Variants in CEP120 observed in about 807,000 individuals in gnomAD.
CEP120 encodes centrosomal protein of 120 kDa.
A neutral mutation model predicts 126.5 loss-of-function variants in CEP120; 113 were observed. The observed-to-expected ratio is 0.89, with a 90% CI of 0.77 to 1.04. CEP120 has a LOEUF of 1.04. CEP120 is among the 50% of genes least tolerant of loss of function. The pLI, the probability that CEP120 is intolerant of heterozygous loss-of-function variation, is 0.00. For synonymous variants in CEP120, 400 were observed against 394.3 expected, an observed-to-expected ratio of 1.01 and a Z score of -0.17; for missense variants, 1,230 against 1,155.7, an observed-to-expected ratio of 1.06 and a Z score of -0.93.
intron 18 of CEP120, among the ~76,000 whole-genome samples, chr5:123,361,721 G>T (rs1186919410): frequency 6.6e-6 from 1 of 151,592 alleles, no homozygotes; most frequent in Non-Finnish European, 1.5e-5. Flanking sequence ...GTCCAATTAG[G>T]TCCCCACTGA....
rs1175461090 is a variant in CEP120, at chr5:123,388,425, A to G, written c.1430+7T>C. On this transcript the variant is annotated splice_region_variant and intron_variant, in intron 9 of 19. Transcript: ENST00000306467. ...AAATAATACTTTGAAACAAAATCAA[A>G]TCACACCTTAATATACAGTTGATTG... 3 of 1,483,568 alleles carry G rather than the reference A, an allele frequency of 2.0e-6. No individual in the cohort carries two copies. Among genetic ancestry groups the G allele is most frequent in the South Asian group, 2.8e-5 (2 of 70,516 alleles). The allele number at this position is 1,483,568 out of a possible 1,614,324, so 91.9% of individuals were successfully genotyped here. A position where few individuals can be genotyped will look rare whatever the true frequency, so the allele number is the denominator to read the frequency against.
chr5:123,416,154 G>T, intron 2 of CEP120, 30 bp from the exon 3 acceptor site: 1 of 1,352,130 alleles, frequency 7.4e-7, no homozygotes, highest in African/African-American at 1.4e-5. Flanking sequence ...AAATAAAATG[G>T]TTTTTGCTTA....
At chr5:123,402,058 T>C (rs1773285069) in intron 4 of CEP120, 1 of 1,593,664 alleles carries the variant, frequency 6.3e-7, no homozygotes, top group Admixed American at 1.7e-5. Context: ...TTGAGGGTCT[T>C]GATCTGCTCC....
At chr5:123,405,160 G>A (rs1251322061) in intron 4 of CEP120, among the ~76,000 whole-genome samples, 1 of 152,178 alleles carries the variant, frequency 6.6e-6, no homozygotes, top group Non-Finnish European at 1.5e-5. Flanking sequence ...AACAGACAGG[G>A]AGCTACGGAG....
Position 123,379,500 on chromosome 5 carries a change from T to C in CEP120, c.2104-1072A>G, listed in dbSNP as rs949634269. On this transcript the variant is annotated intron_variant, in intron 14 of 19. Transcript: ENST00000306467. Reference sequence around the variant, plus strand: ...CATCTGAACCACAAAACACAGAAAATGATTTAATTATTTTCTCCATCCTCT... The same window carrying C: ...CATCTGAACCACAAAACACAGAAAACGATTTAATTATTTTCTCCATCCTCT... Among the ~76,000 whole-genome samples the C allele has an allele frequency of 8.5e-5, 13 of 152,150 alleles. No individual in the cohort carries two copies. In the South Asian group the frequency reaches 1.9e-3, roughly 22 times the overall value.
Position 123,423,180 on chromosome 5 carries a change from C to T in CEP120, c.-182G>A, listed in dbSNP as rs1017488532. ...TGCAGCGCGCCCGGCTCCTCTGCCT[C>T]GGGCCGCCAGCCCAGATCCTAACTG... On this transcript the variant is annotated 5_prime_UTR_variant, in exon 1 of 20. Transcript: ENST00000306467. 6.6e-6 allele frequency: 4 copies of T among 610,622 alleles called. No homozygotes were observed. Among genetic ancestry groups the T allele is most frequent in the Non-Finnish European group, 8.8e-6 (3 of 342,094 alleles). 37.8% of individuals were successfully genotyped at this position (610,622 alleles called of 1,614,324 possible). A position where few individuals can be genotyped will look rare whatever the true frequency, so the allele number is the denominator to read the frequency against.
At position 123,364,613 on chromosome 5, in the gene CEP120, A is replaced by T. The variant is rs867345155; in HGVS notation, c.2482-19T>A. 1.3e-5 allele frequency: 19 copies of T among 1,472,786 alleles called. No individual in the cohort carries two copies. The East Asian group carries it at 3.0e-4, about 23-fold the overall frequency. 91.2% of individuals were successfully genotyped at this position (1,472,786 alleles called of 1,614,324 possible). A position where few individuals can be genotyped will look rare whatever the true frequency, so the allele number is the denominator to read the frequency against. ...GTTCAACCTAACAGTGATTAAAATC[A>T]TATCAAGTGAAACACTATACCACTG... On this transcript the variant is annotated intron_variant, in intron 17 of 19. Transcript: ENST00000306467.
In CEP120 at chr5:123,383,029, C is replaced by G; in HGVS notation, c.1817G>C (p.Gly606Ala). 6.3e-7 allele frequency: 1 copy of G among 1,588,688 alleles called. No individual in the cohort carries two copies. Among genetic ancestry groups the G allele is most frequent in the South Asian group, 1.1e-5 (1 of 89,744 alleles). ...AAAAATCTCACGCATTTTTACTAGT[C>G]CATAATCTTCTAGAGTCACTGTGTA... ...LSYTVTLEDY[G>A]LVKMREIFIS... Residue 606 changes from glycine (G) to alanine (A), a missense_variant, in exon 12 of 20, where the codon GGA (glycine) becomes GCA (alanine). Physicochemically the swap from Gly to Ala is moderately conservative, Grantham distance 60. Coordinates refer to ENST00000306467, the MANE Select transcript of CEP120 (RefSeq NM_001375405.1).
intron 13 of CEP120, 121 bp from the exon 14 acceptor site, chr5:123,382,321 A>C: frequency 3.4e-6 from 1 of 294,088 alleles, no homozygotes; most frequent in Non-Finnish European, 6.1e-6. Context: ...ATTCTTTTTT[A>C]TTCTAAAAAA....
intron 4 of CEP120, among the ~76,000 whole-genome samples, chr5:123,400,657 G>T (rs1773133675): frequency 7.5e-6 from 1 of 133,498 alleles, no homozygotes; most frequent in Non-Finnish European, 1.6e-5. Flanking sequence ...ATATATATAT[G>T]GCTTTTTTTT....
rs58659496 is a variant in CEP120 at position 123,399,074 on chromosome 5, G to C, written c.612+62C>G. On this transcript the variant is annotated intron_variant, in intron 5 of 19. Transcript: ENST00000306467. Reference sequence around the variant, plus strand: ...TGCAAGTCTTTTTAATACCTGAAAGGTAAAATGTTTTACATAGTTTTCAAA... The same window carrying C: ...TGCAAGTCTTTTTAATACCTGAAAGCTAAAATGTTTTACATAGTTTTCAAA... 6.1e-4 allele frequency: 788 copies of C among 1,293,140 alleles called. 4 individuals are homozygous for C. The African/African-American group carries it at 0.011, about 18-fold the overall frequency. The allele number at this position is 1,293,140 out of a possible 1,614,324, so 80.1% of individuals were successfully genotyped here.
intron 18 of CEP120, among the ~76,000 whole-genome samples, chr5:123,360,745 G>A (rs1000359889): frequency 1.3e-5 from 2 of 151,698 alleles, no homozygotes; most frequent in African/African-American, 4.8e-5. Flanking sequence ...GTATGAGGAT[G>A]CGTGTGTTAG....
intron 1 of CEP120, among the ~76,000 whole-genome samples, chr5:123,419,267 T>C (rs1029596471): frequency 2.6e-5 from 4 of 152,222 alleles, no homozygotes; most frequent in Admixed American, 6.5e-5. Flanking sequence ...CACTACTTAA[T>C]AGAGAACAGT....
chr5:123,389,978 C>G lies in CEP120; in HGVS notation c.1201G>C (p.Glu401Gln). The G allele has an allele frequency of 6.2e-7, 1 of 1,614,168 alleles. No homozygotes were observed. The change falls in exon 8 of 20, where the codon GAA becomes CAA. Residue 401 changes from glutamate to glutamine, a missense_variant. Coordinates refer to ENST00000306467, the MANE Select transcript of CEP120 (RefSeq NM_001375405.1). ...TACTGTAAACTTTCCACTTCACTTT[C>G]TGTTGCATCATCTTTTGTTGGAGGT... Reference protein sequence around the residue: ...QSPPTKDDATESEVESLQYDK... With the variant: ...QSPPTKDDATQSEVESLQYDK...
chr5:123,358,553 G>A (rs1316385883), intron 18 of CEP120: 1 of 151,870 alleles, frequency 6.6e-6, no homozygotes, highest in Non-Finnish European at 1.5e-5. Flanking sequence ...CTGCAAGCAG[G>A]AAATAAGTAA....
intron 4 of CEP120, chr5:123,402,121 G>A: frequency 6.3e-7 from 1 of 1,577,882 alleles, no homozygotes. Flanking sequence ...AGGACAAGGG[G>A]GCTCAGCAGG....
chr5:123,386,464 T>C, intron 10 of CEP120, 54 bp downstream of exon 10: 1 of 1,236,212 alleles, frequency 8.1e-7, no homozygotes. Context: ...AAAATACAAA[T>C]TTTCAAGAAT....
chr5:123,389,419 GTTAAT>G (rs549341571), intron 8 of CEP120, among the ~76,000 whole-genome samples: 300 of 152,224 alleles, frequency 2.0e-3, no homozygotes, highest in African/African-American at 6.9e-3. Flanking sequence ...AAAAAATTCT[GTTAAT>G]TTAGAGAATT....
intron 1 of CEP120, among the ~76,000 whole-genome samples, chr5:123,421,236 C>T (rs1774692030): frequency 6.6e-6 from 1 of 152,138 alleles, no homozygotes; most frequent in Admixed American, 6.5e-5. Flanking sequence ...AAATATTCAC[C>T]TTCCTCTACC....
Sources: gnomAD v4.1 joint callset for allele counts (sites outside exome capture counted in the v4.1 genomes callset) on GRCh38, gnomAD v4.1.1 for gene constraint, MANE v1.5 for transcripts, NCBI Gene and HGNC (gene_info 2026-07-23, HGNC 2026-07-21) for gene names.